GRID2: variants seen among roughly 807,000 people sequenced by gnomAD.
The protein encoded by GRID2 is glutamate ionotropic receptor delta type subunit 2.
In GRID2, 33 loss-of-function variants were observed where a neutral mutation model predicts 114.8. That is an observed-to-expected ratio of 0.29 (90% CI 0.22 to 0.38). The LOEUF is 0.38. Among genes scored for constraint, GRID2 ranks in the 10% least tolerant of loss-of-function variants. The pLI, the probability that GRID2 is intolerant of heterozygous loss-of-function variation, is 1.00. For synonymous variants in GRID2, 505 were observed against 449.9 expected (o/e 1.12, Z -1.55); for missense variants, 1,184 against 1,257.7 (o/e 0.94, Z 0.89).
At chr4:93,541,524 C>T (rs193187002) in intron 13 of GRID2, among the ~76,000 whole-genome samples, 6 of 152,210 alleles carry the variant, frequency 3.9e-5, no homozygotes, top group Admixed American at 3.3e-4. Flanking sequence ...TAAGAATTCT[C>T]TCTCTATCTT....
chr4:93,396,990 T>G (rs1765393215), intron 9 of GRID2, among the ~76,000 whole-genome samples: 2 of 152,050 alleles, frequency 1.3e-5, no homozygotes, highest in South Asian at 4.1e-4. Flanking sequence ...TCCTATGGGC[T>G]AGGTAAATTG....
intron 2 of GRID2, among the ~76,000 whole-genome samples, chr4:92,755,357 C>T (rs2149341698): frequency 6.6e-6 from 1 of 152,252 alleles, no homozygotes. Context: ...AAGAAGCTAT[C>T]ATTGTATAGA....
At chr4:92,749,156 A>C (rs1737308196) in intron 2 of GRID2, among the ~76,000 whole-genome samples, 1 of 151,082 alleles carries the variant, frequency 6.6e-6, no homozygotes, top group South Asian at 2.1e-4. Context: ...ACCATGCACC[A>C]TCAGGCCTAG....
chr4:92,357,945 C>A (rs138190612), intron 1 of GRID2, among the ~76,000 whole-genome samples: 85 of 151,926 alleles, frequency 5.6e-4, no homozygotes, highest in African/African-American at 1.9e-3. Flanking sequence ...CAGTTATAGA[C>A]AAAGTATTAG....
At chr4:92,454,550 C>A (rs1346325585) in intron 1 of GRID2, among the ~76,000 whole-genome samples, 4 of 152,126 alleles carry the variant, frequency 2.6e-5, no homozygotes, top group African/African-American at 9.7e-5. Flanking sequence ...ACATTCCCAT[C>A]AAATCTGCAT....
intron 11 of GRID2, among the ~76,000 whole-genome samples, chr4:93,485,025 T>C (rs984664617): frequency 4.0e-5 from 6 of 151,880 alleles, no homozygotes; most frequent in Non-Finnish European, 7.4e-5. Flanking sequence ...CTGAACCAAT[T>C]TGCAATCCCA....
intron 13 of GRID2, among the ~76,000 whole-genome samples, chr4:93,550,966 A>G (rs1578240611): frequency 6.6e-6 from 1 of 152,162 alleles, no homozygotes; most frequent in Non-Finnish European, 1.5e-5. Flanking sequence ...TCAGAGCCAC[A>G]CTTACTGGAT....
At chr4:93,433,049 GAC>G (rs1395748752) in intron 10 of GRID2, among the ~76,000 whole-genome samples, 1 of 152,156 alleles carries the variant, frequency 6.6e-6, no homozygotes, top group Non-Finnish European at 1.5e-5. Context: ...TAGCCTGGAT[GAC>G]AGAGTGAGAT....
At chr4:92,702,122 C>G (rs1734702858) in intron 2 of GRID2, among the ~76,000 whole-genome samples, 1 of 152,076 alleles carries the variant, frequency 6.6e-6, no homozygotes, top group African/African-American at 2.4e-5. Context: ...CCGGAGCAAT[C>G]CAGGTCAGTT....
At chr4:93,311,973 A>G (rs113821867) in intron 8 of GRID2, among the ~76,000 whole-genome samples, 29 of 152,320 alleles carry the variant, frequency 1.9e-4, no homozygotes, top group African/African-American at 7.0e-4. Flanking sequence ...AAAAAGATAA[A>G]TTCATAATGT....
intron 2 of GRID2, among the ~76,000 whole-genome samples, chr4:92,717,138 A>G (rs1409113270): frequency 6.6e-6 from 1 of 152,162 alleles, no homozygotes. Flanking sequence ...GGGTAAAGAG[A>G]GGCAGAGGCA....
intron 8 of GRID2, among the ~76,000 whole-genome samples, chr4:93,344,383 T>C (rs1759972755): frequency 6.6e-6 from 1 of 151,924 alleles, no homozygotes; most frequent in Non-Finnish European, 1.5e-5. Flanking sequence ...TATTTATGAT[T>C]CCTCAACTGT....
intron 10 of GRID2, among the ~76,000 whole-genome samples, chr4:93,425,229 G>A (rs886577665): frequency 6.6e-6 from 1 of 152,148 alleles, no homozygotes; most frequent in Non-Finnish European, 1.5e-5. Flanking sequence ...TTGATACATT[G>A]TTAAGACTTG....
intron 2 of GRID2, among the ~76,000 whole-genome samples, chr4:92,983,845 A>T (rs1217506684): frequency 2.6e-5 from 4 of 152,136 alleles, no homozygotes; most frequent in Non-Finnish European, 4.4e-5. Flanking sequence ...AGAACTCTGT[A>T]TATGTTTATT....
At chr4:92,360,236 C>T (rs1728546919) in intron 1 of GRID2, among the ~76,000 whole-genome samples, 1 of 151,934 alleles carries the variant, frequency 6.6e-6, no homozygotes, top group South Asian at 2.1e-4. Flanking sequence ...TTTTTAATCT[C>T]ATACTATTCC....
intron 8 of GRID2, among the ~76,000 whole-genome samples, chr4:93,314,414 A>G (rs558948328): frequency 2.5e-4 from 38 of 152,086 alleles, no homozygotes; most frequent in African/African-American, 8.4e-4. Context: ...CCCTTTCACA[A>G]TGAATTTCCT....
intron 14 of GRID2, among the ~76,000 whole-genome samples, chr4:93,741,523 G>T (rs1731416975): frequency 6.6e-6 from 1 of 152,054 alleles, no homozygotes; most frequent in Non-Finnish European, 1.5e-5. Flanking sequence ...GGAAACTTAG[G>T]CAGTTGTTAA....
At chr4:93,739,727 G>T (rs943774805) in intron 14 of GRID2, among the ~76,000 whole-genome samples, 54 of 152,094 alleles carry the variant, frequency 3.6e-4, no homozygotes, top group African/African-American at 1.3e-3. Flanking sequence ...ATCCTCCAGA[G>T]AAATTTGCCT....
intron 12 of GRID2, among the ~76,000 whole-genome samples, chr4:93,511,421 G>T (rs1394328558): frequency 6.6e-6 from 1 of 152,106 alleles, no homozygotes; most frequent in African/African-American, 2.4e-5. Context: ...TCTCAGTATT[G>T]TTCAGTACCC....
Sources: allele counts gnomAD v4.1 joint callset (sites outside exome capture counted in the v4.1 genomes callset), GRCh38; gene constraint gnomAD v4.1.1; transcripts MANE v1.5; gene names NCBI Gene and HGNC (gene_info 2026-07-23, HGNC 2026-07-21).